DNAJC5: variants seen among roughly 807,000 people sequenced by gnomAD.
DNAJC5 encodes DnaJ heat shock protein family (Hsp40) member C5.
A neutral mutation model predicts 23.2 loss-of-function variants in DNAJC5; 1 was observed. The observed-to-expected ratio is 0.04, with a 90% CI of 0.02 to 0.20. DNAJC5 has a LOEUF of 0.20. Among genes scored for constraint, DNAJC5 ranks in the 10% least tolerant of loss-of-function variants. The probability of loss-of-function intolerance (pLI) is 1.00; values close to 1 mark genes in which losing one functional copy is unlikely to be tolerated. For missense variants in DNAJC5, 180 were observed against 267.0 expected, an observed-to-expected ratio of 0.67 and a Z score of 2.27; for synonymous variants, 136 against 120.0, an observed-to-expected ratio of 1.13 and a Z score of -0.87.
intron 1 of DNAJC5, among the ~76,000 whole-genome samples, chr20:63,899,087 C>T (rs142869756): frequency 2.6e-4 from 39 of 152,246 alleles, no homozygotes; most frequent in Non-Finnish European, 1.8e-4. Flanking sequence ...TGAGCCTCTG[C>T]GTTCTGTCAG....
In DNAJC5 at chr20:63,931,121, A is replaced by C; in HGVS notation, c.493+99A>C. 1.5e-6 allele frequency: 2 copies of C among 1,292,526 alleles called. No homozygotes were observed. The highest frequency in any genetic ancestry group is 2.2e-6 in the Non-Finnish European group (2 of 912,508). The allele number at this position is 1,292,526 out of a possible 1,614,324, so 80.1% of individuals were successfully genotyped here. ...TCTTGTCAAACAGGAGGGCACTGAC[A>C]CTGTGCCGCGAGTGTTTGTGGTGGC... On this transcript the variant is annotated intron_variant, in intron 4 of 4. Transcript: ENST00000360864. The surrounding 1 kb of genome is among the most constrained non-coding windows in gnomAD (Gnocchi z 9.6).
chr20:63,896,223 C>T (rs1354394202), intron 1 of DNAJC5, among the ~76,000 whole-genome samples: 1 of 152,192 alleles, frequency 6.6e-6, no homozygotes. Context: ...CTCAAAGCTT[C>T]TGAGATTTTA....
chr20:63,919,482 A>C, intron 1 of DNAJC5: 1 of 490,036 alleles, frequency 2.0e-6, no homozygotes, highest in East Asian at 5.9e-5. Flanking sequence ...GGACAGCGCC[A>C]CGGAAGAGGA....
chr20:63,895,864 C>T (rs1434008424), intron 1 of DNAJC5, among the ~76,000 whole-genome samples: 2 of 152,208 alleles, frequency 1.3e-5, no homozygotes, highest in Non-Finnish European at 2.9e-5. Context: ...CCTGTTTTCT[C>T]CGCTTTATAA....
chr20:63,909,247 TG>T (rs1469886122), intron 1 of DNAJC5: 2 of 150,846 alleles, frequency 1.3e-5, no homozygotes, highest in Non-Finnish European at 2.9e-5. Flanking sequence ...CTGGCCAACA[TG>T]GTGAAAATTG....
chr20:63,928,800 C>T lies in DNAJC5; in HGVS notation c.107+348C>T, dbSNP rs2053637447. Among the ~76,000 whole-genome samples, 1 of 152,154 alleles carries T rather than the reference C, an allele frequency of 6.6e-6. No homozygotes were observed. The highest frequency in any genetic ancestry group is 2.4e-5 in the African/African-American group (1 of 41,434). On this transcript the variant is annotated intron_variant, in intron 2 of 4. Coordinates refer to ENST00000360864, the MANE Select transcript of DNAJC5 (RefSeq NM_025219.3). The surrounding 1 kb of genome is among the most constrained non-coding windows in gnomAD (Gnocchi z 4.6). ...TGTTTTAGCACAGTGATGACAGAGACCCCTCACTCTGTTGTGGCCTTCTGA... is the reference window on the plus strand; with the variant it reads ...TGTTTTAGCACAGTGATGACAGAGATCCCTCACTCTGTTGTGGCCTTCTGA...
intron 1 of DNAJC5, among the ~76,000 whole-genome samples, chr20:63,907,164 A>C (rs1179084781): frequency 2.0e-5 from 3 of 152,198 alleles, no homozygotes; most frequent in Admixed American, 1.3e-4. Flanking sequence ...TGTACAAGAA[A>C]ATAAGTTATT....
At chr20:63,919,436 A>ACACACCCGGCTGTGTGGACATGTGC (rs2053545064) in intron 1 of DNAJC5, 1 of 486,902 alleles carries the variant, frequency 2.1e-6, no homozygotes, top group African/African-American at 2.0e-5. Flanking sequence ...ACGGAAGAGG[A>ACACACCCGGCTGTGTGGACATGTGC]CACACCCGGC....
chr20:63,899,604 C>T (rs1026623771), intron 1 of DNAJC5, among the ~76,000 whole-genome samples: 2 of 152,160 alleles, frequency 1.3e-5, no homozygotes, highest in Admixed American at 1.3e-4. Context: ...TTTTTTGAGA[C>T]GGAGTCTCAT....
chr20:63,926,050 A>G (rs111691277), intron 1 of DNAJC5, among the ~76,000 whole-genome samples: 1,783 of 152,008 alleles, frequency 0.012, 34 homozygotes, highest in African/African-American at 0.041. Context: ...GGATGGTCTC[A>G]ATCTCCTGAT....
intron 1 of DNAJC5, among the ~76,000 whole-genome samples, chr20:63,916,738 A>C (rs2053517698): frequency 6.6e-6 from 1 of 152,202 alleles, no homozygotes; most frequent in South Asian, 2.1e-4. Flanking sequence ...CACATAAGAC[A>C]GGCACTCCCA....
In DNAJC5 at chr20:63,901,877, G is replaced by A. The variant is rs572229673; in HGVS notation, c.-12+6554G>A. 7.2e-5 allele frequency among the ~76,000 whole-genome samples: 11 copies of A among 152,238 alleles called. No homozygotes were observed. The East Asian group carries it at 1.9e-3, about 27-fold the overall frequency. ...GCTTCTGTCATCTCTTGCCAAGTTC[G>A]TAGCCCTCAGATGGTGTCTGTCTTT... On this transcript the variant is annotated intron_variant, in intron 1 of 4. Coordinates refer to ENST00000360864, the MANE Select transcript of DNAJC5 (RefSeq NM_025219.3).
At chr20:63,914,606 C>T (rs1048423254) in intron 1 of DNAJC5, among the ~76,000 whole-genome samples, 22 of 144,670 alleles carry the variant, frequency 1.5e-4, no homozygotes, top group African/African-American at 4.7e-4. Context: ...CATGAACCAC[C>T]GTGCCCGGCC....
chr20:63,916,857 T>TAG (rs2053518509), intron 1 of DNAJC5, among the ~76,000 whole-genome samples: 1 of 152,226 alleles, frequency 6.6e-6, no homozygotes, highest in Admixed American at 6.5e-5. Flanking sequence ...CGTCCGCTTA[T>TAG]AGGCTCTCTG....
At position 63,932,946 on chromosome 20, in the gene DNAJC5, G is replaced by T. The variant is rs1305092238; in HGVS notation, c.*1378G>T. The T allele has an allele frequency of 6.6e-6, 1 of 152,502 alleles. No individual in the cohort carries two copies. Among genetic ancestry groups the T allele is most frequent in the Non-Finnish European group, 1.5e-5 (1 of 68,148 alleles). 9.4% of individuals were successfully genotyped at this position (152,502 alleles called of 1,614,324 possible). On this transcript the variant is annotated 3_prime_UTR_variant, in exon 5 of 5. Coordinates refer to ENST00000360864, the MANE Select transcript of DNAJC5 (RefSeq NM_025219.3). This position sits in a 1 kb window ranked among gnomAD's most constrained non-coding sequence, Gnocchi z 4.4. ...CTTGTGGGTGGCGCCCTGCATAGGGGAGCAGGGGGAACGGGTCTGATGTCC... is the reference window on the plus strand; with the variant it reads ...CTTGTGGGTGGCGCCCTGCATAGGGTAGCAGGGGGAACGGGTCTGATGTCC...
rs1174127826 is a variant in DNAJC5 at position 63,929,762 on chromosome 20, ACCCGGGT to A, written c.321+239_321+245del. On this transcript the variant is annotated intron_variant, in intron 3 of 4. Transcript: ENST00000360864. The surrounding 1 kb of genome is among the most constrained non-coding windows in gnomAD (Gnocchi z 8.6). ...CCCGAGTCTCTCCTGCCATGTGGGC[ACCCGGGT>A]CACTCCACGCCTGCAGGGTTCCCAG... Among the ~76,000 whole-genome samples the A allele has an allele frequency of 6.6e-6, 1 of 151,820 alleles. No individual in the cohort carries two copies. The highest frequency in any genetic ancestry group is 2.4e-5 in the African/African-American group (1 of 41,262).
chr20:63,930,465 T>A (rs2053659380), intron 3 of DNAJC5, among the ~76,000 whole-genome samples: 1 of 152,192 alleles, frequency 6.6e-6, no homozygotes, highest in African/African-American at 2.4e-5. Context: ...CTCCTGCCTC[T>A]GCCTCCCGAG....
rs975560791 is a variant in DNAJC5 at position 63,921,000 on chromosome 20, C to G, written c.-11-7335C>G. Among the ~76,000 whole-genome samples the G allele has an allele frequency of 1.3e-5, 2 of 151,990 alleles. No homozygotes were observed. Among genetic ancestry groups the G allele is most frequent in the African/African-American group, 2.4e-5 (1 of 41,388 alleles). Reference sequence around the variant, plus strand: ...TTGAGACGGAGTTTCACTATTGTTACGCAGACTGGAGTGCAACGGCACGGT... The same window carrying G: ...TTGAGACGGAGTTTCACTATTGTTAGGCAGACTGGAGTGCAACGGCACGGT... On this transcript the variant is annotated intron_variant, in intron 1 of 4. Transcript: ENST00000360864. The surrounding 1 kb of genome is among the most constrained non-coding windows in gnomAD (Gnocchi z 4.6).
At chr20:63,895,971 A>G (rs1002933250) in intron 1 of DNAJC5, among the ~76,000 whole-genome samples, 3 of 152,214 alleles carry the variant, frequency 2.0e-5, no homozygotes, top group Admixed American at 6.5e-5. Context: ...TGTCTGGATT[A>G]AAGACTCTCT....
Sources: allele counts gnomAD v4.1 joint callset (sites outside exome capture counted in the v4.1 genomes callset), GRCh38; gene constraint gnomAD v4.1.1; non-coding constraint Gnocchi (gnomAD v3.1); transcripts MANE v1.5; gene names NCBI Gene and HGNC (gene_info 2026-07-23, HGNC 2026-07-21).